ACCSL: variants seen among roughly 807,000 people sequenced by gnomAD.
ACCSL encodes the protein 1-aminocyclopropane-1-carboxylate synthase homolog (inactive) like, also known as probable inactive 1-aminocyclopropane-1-carboxylate synthase-like protein 2.
ACCSL carries 55 observed loss-of-function variants against 61.7 expected under a neutral mutation model. The ratio of observed to expected loss-of-function variants is 0.89; its 90% CI spans 0.72 to 1.12. The LOEUF is 1.12. Ranked by LOEUF, ACCSL falls within the 50% of genes most tolerant of loss-of-function variation. ACCSL has a pLI of 0.00. For missense variants in ACCSL, 632 were observed against 698.0 expected (o/e 0.91, Z 1.07); for synonymous variants, 258 against 264.3 (o/e 0.98, Z 0.23).
chr11:43,983,391 C>T, the ACCSL span, among the ~76,000 whole-genome samples: 25 of 152,304 alleles, frequency 1.6e-4, no homozygotes, highest in Middle Eastern at 3.4e-3. Context: ...TGAGCACCTA[C>T]TATGTGCCTG....
At chr11:44,033,142 G>T in the ACCSL span, among the ~76,000 whole-genome samples, 1 of 152,184 alleles carries the variant, frequency 6.6e-6, no homozygotes, top group Non-Finnish European at 1.5e-5. Flanking sequence ...GAACTTGGAA[G>T]GAAGAGGCTC....
chr11:44,006,644 T>G, the ACCSL span, among the ~76,000 whole-genome samples: 1 of 151,756 alleles, frequency 6.6e-6, no homozygotes, highest in Non-Finnish European at 1.5e-5. Flanking sequence ...TAGCTGGGAT[T>G]AGAGACACGC....
the ACCSL span, among the ~76,000 whole-genome samples, chr11:43,932,666 G>C: frequency 1.3e-5 from 2 of 152,188 alleles, no homozygotes; most frequent in African/African-American, 2.4e-5. Flanking sequence ...CCTTACCAAG[G>C]CTTCGTGAAA....
chr11:44,019,924 G>C, the ACCSL span, among the ~76,000 whole-genome samples: 7 of 152,160 alleles, frequency 4.6e-5, no homozygotes, highest in Non-Finnish European at 8.8e-5. Context: ...GTTAATTTTT[G>C]CACATGGTAT....
the ACCSL span, among the ~76,000 whole-genome samples, chr11:43,969,389 A>G: frequency 2.0e-5 from 3 of 152,154 alleles, no homozygotes; most frequent in Non-Finnish European, 4.4e-5. Context: ...AAAATTTTTT[A>G]AACAATTTTC....
At chr11:43,984,466 C>A in the ACCSL span, among the ~76,000 whole-genome samples, 154 of 152,236 alleles carry the variant, frequency 1.0e-3, 2 homozygotes, top group African/African-American at 3.5e-3. Flanking sequence ...GATCACACCT[C>A]CTCTGGGTAC....
At chr11:43,964,159 C>A in the ACCSL span, among the ~76,000 whole-genome samples, 1 of 152,040 alleles carries the variant, frequency 6.6e-6, no homozygotes, top group East Asian at 1.9e-4. Flanking sequence ...AAGCCTAGGG[C>A]TGTGGCCAGG....
chr11:44,050,153 C>A, intron 2 of ACCSL, 32 bp downstream of exon 2: 11 of 1,580,736 alleles, frequency 7.0e-6, no homozygotes, highest in Non-Finnish European at 9.6e-6. Context: ...TTGGGACCCA[C>A]CCCTTCAAGG....
At chr11:44,009,814 G>T in the ACCSL span, among the ~76,000 whole-genome samples, 1 of 152,062 alleles carries the variant, frequency 6.6e-6, no homozygotes, top group African/African-American at 2.4e-5. Context: ...AACCAATTGT[G>T]CATCTTGGAA....
the ACCSL span, among the ~76,000 whole-genome samples, chr11:44,005,156 G>A: frequency 4.6e-5 from 7 of 151,400 alleles, no homozygotes; most frequent in Admixed American, 6.6e-5. Context: ...GGGGTGAGGG[G>A]AACTGTTTCA....
At chr11:43,948,406 A>G in the ACCSL span, among the ~76,000 whole-genome samples, 5 of 152,208 alleles carry the variant, frequency 3.3e-5, no homozygotes, top group South Asian at 1.0e-3. Context: ...ACTGAAGCTC[A>G]GAGGGGTTAA....
the ACCSL span, among the ~76,000 whole-genome samples, chr11:43,962,910 C>A: frequency 3.9e-5 from 6 of 152,282 alleles, no homozygotes; most frequent in East Asian, 1.2e-3. Flanking sequence ...GGATAATAGA[C>A]AAGGGAGAAT....
the ACCSL span, among the ~76,000 whole-genome samples, chr11:44,042,221 G>T: frequency 6.6e-6 from 1 of 152,070 alleles, no homozygotes; most frequent in African/African-American, 2.4e-5. Flanking sequence ...AATTTAAATA[G>T]CATTGGAGTA....
the ACCSL span, among the ~76,000 whole-genome samples, chr11:43,986,285 T>C: frequency 2.6e-5 from 4 of 151,718 alleles, no homozygotes; most frequent in Non-Finnish European, 5.9e-5. Context: ...CTCCCTGCTG[T>C]CTTTTTCTCC....
At chr11:44,051,110 G>A (rs1415270838) in intron 3 of ACCSL, among the ~76,000 whole-genome samples, 1 of 152,170 alleles carries the variant, frequency 6.6e-6, no homozygotes, top group Non-Finnish European at 1.5e-5. Context: ...CAAAGTGCTG[G>A]GATTACAGGC....
the ACCSL span, among the ~76,000 whole-genome samples, chr11:43,939,670 C>T: frequency 7.9e-5 from 12 of 152,160 alleles, no homozygotes; most frequent in African/African-American, 2.4e-4. Context: ...AAGGCAGTGT[C>T]GAAATCTTGG....
chr11:43,934,602 A>G, the ACCSL span, among the ~76,000 whole-genome samples: 38 of 152,122 alleles, frequency 2.5e-4, no homozygotes, highest in African/African-American at 8.9e-4. Context: ...GAACTCTGAG[A>G]CCCACTCTAG....
chr11:43,929,175 T>C, the ACCSL span, among the ~76,000 whole-genome samples: 2 of 152,216 alleles, frequency 1.3e-5, no homozygotes, highest in Admixed American at 6.5e-5. Flanking sequence ...TGAAATAGTG[T>C]GTGAATGCGA....
chr11:43,997,195 A>C, the ACCSL span, among the ~76,000 whole-genome samples: 6 of 152,116 alleles, frequency 3.9e-5, no homozygotes, highest in South Asian at 1.2e-3. Flanking sequence ...GACCAATTAA[A>C]TTAGAATCTC....
Sources: gnomAD v4.1 joint callset for allele counts (sites outside exome capture counted in the v4.1 genomes callset) on GRCh38, gnomAD v4.1.1 for gene constraint, MANE v1.5 for transcripts, NCBI Gene and HGNC (gene_info 2026-07-23, HGNC 2026-07-21) for gene names.